Variants in COL19A1 observed in about 807,000 individuals in gnomAD.
The protein encoded by COL19A1 is collagen type XIX alpha 1 chain.
In COL19A1, 159 loss-of-function variants were observed where a neutral mutation model predicts 190.2. That is an observed-to-expected ratio of 0.84 (90% CI 0.73 to 0.95). The LOEUF (loss-of-function observed/expected upper bound fraction) is 0.95, where lower values mean the gene tolerates loss of function less well. Ranked by LOEUF, COL19A1 falls within the 40% of genes least tolerant of loss-of-function variation. COL19A1 has a pLI of 0.00. For missense variants in COL19A1, 1,418 were observed against 1,431.9 expected (o/e 0.99, Z 0.16); for synonymous variants, 509 against 458.9 (o/e 1.11, Z -1.39).
chr6:69,939,054 T>C (rs1773291986), intron 9 of COL19A1, among the ~76,000 whole-genome samples: 1 of 151,762 alleles, frequency 6.6e-6, no homozygotes, highest in African/African-American at 2.4e-5. Flanking sequence ...CCCTCAAAGC[T>C]TCAACAAAGC....
At chr6:70,200,965 G>C (rs2150307757) in intron 49 of COL19A1, among the ~76,000 whole-genome samples, 1 of 152,168 alleles carries the variant, frequency 6.6e-6, no homozygotes, top group South Asian at 2.1e-4. Flanking sequence ...GATTGATGAA[G>C]GAAAGAGAAA....
chr6:69,871,806 ACCATTT>A (rs1767843070), intron 1 of COL19A1, among the ~76,000 whole-genome samples: 1 of 129,088 alleles, frequency 7.7e-6, no homozygotes, highest in African/African-American at 2.9e-5. Context: ...TAGCAAGTCC[ACCATTT>A]TTTTTTTTTT....
intron 2 of COL19A1, among the ~76,000 whole-genome samples, chr6:69,892,398 G>A (rs1041452009): frequency 2.0e-5 from 3 of 152,220 alleles, no homozygotes; most frequent in African/African-American, 2.4e-5. Flanking sequence ...TATATGATAC[G>A]TTTTGAAACA....
At chr6:70,191,092 A>G (rs996794213) in intron 48 of COL19A1, among the ~76,000 whole-genome samples, 5 of 152,226 alleles carry the variant, frequency 3.3e-5, no homozygotes, top group Non-Finnish European at 7.3e-5. Context: ...AATATGGTAC[A>G]TAAAGGCTTA....
chr6:70,034,170 T>C (rs1779220575), intron 12 of COL19A1, 75 bp from the exon 13 acceptor site: 7 of 1,022,608 alleles, frequency 6.8e-6, no homozygotes, highest in Non-Finnish European at 1.1e-5. Context: ...TAAATTATGA[T>C]TTATTTTGTT....
chr6:70,044,648 G>A (rs1779811412), intron 14 of COL19A1, among the ~76,000 whole-genome samples: 1 of 152,162 alleles, frequency 6.6e-6, no homozygotes, highest in African/African-American at 2.4e-5. Flanking sequence ...CAGAGAAATG[G>A]CTAGTCAGTG....
intron 13 of COL19A1, among the ~76,000 whole-genome samples, chr6:70,034,671 C>G (rs6930775): frequency 6.6e-6 from 1 of 152,142 alleles, no homozygotes; most frequent in African/African-American, 2.4e-5. Context: ...AGTTTTGTAT[C>G]TCAGTCTTAA....
At chr6:70,057,294 C>G (rs1780560479) in intron 14 of COL19A1, among the ~76,000 whole-genome samples, 1 of 152,042 alleles carries the variant, frequency 6.6e-6, no homozygotes, top group African/African-American at 2.4e-5. Context: ...TTTGACAGAC[C>G]ATGACCTACC....
At chr6:69,886,087 C>T (rs1768910982) in intron 2 of COL19A1, among the ~76,000 whole-genome samples, 1 of 152,140 alleles carries the variant, frequency 6.6e-6, no homozygotes, top group African/African-American at 2.4e-5. Flanking sequence ...CTACTTATCT[C>T]ATGGTTAATA....
intron 42 of COL19A1, 72 bp downstream of exon 42, chr6:70,176,636 G>T: frequency 1.3e-6 from 2 of 1,483,508 alleles, no homozygotes; most frequent in African/African-American, 1.4e-5. Flanking sequence ...TGTGGCCAGG[G>T]ATCAAGACAG....
intron 19 of COL19A1, among the ~76,000 whole-genome samples, chr6:70,140,287 A>C (rs1374482385): frequency 2.6e-5 from 4 of 151,964 alleles, no homozygotes; most frequent in African/African-American, 9.7e-5. Flanking sequence ...ATTACTTATA[A>C]TATATATTAC....
chr6:70,102,346 G>C (rs551997196), intron 16 of COL19A1, 124 bp downstream of exon 16: 1 of 741,572 alleles, frequency 1.3e-6, no homozygotes, highest in African/African-American at 1.8e-5. Context: ...TAGAATGACT[G>C]GTTTCAGCAT....
At chr6:70,139,708 A>G (rs1356575776) in intron 19 of COL19A1, among the ~76,000 whole-genome samples, 1 of 152,068 alleles carries the variant, frequency 6.6e-6, no homozygotes, top group Non-Finnish European at 1.5e-5. Context: ...GGTAACTAAA[A>G]TGGCAAATTT....
chr6:69,977,086 T>A (rs568178327), intron 11 of COL19A1, among the ~76,000 whole-genome samples: 2 of 152,280 alleles, frequency 1.3e-5, no homozygotes, highest in Non-Finnish European at 2.9e-5. Flanking sequence ...GGATTATAAA[T>A]CATGCTGCTA....
intron 16 of COL19A1, among the ~76,000 whole-genome samples, chr6:70,112,435 G>A (rs1784333952): frequency 6.6e-6 from 1 of 152,088 alleles, no homozygotes; most frequent in South Asian, 2.1e-4. Context: ...ACATACTGGG[G>A]AGAGATGAGT....
intron 2 of COL19A1, among the ~76,000 whole-genome samples, chr6:69,895,962 A>AT (rs1051454253): frequency 8.5e-5 from 13 of 152,054 alleles, no homozygotes; most frequent in African/African-American, 3.1e-4. Flanking sequence ...ATCTACACTT[A>AT]TTTTTTGGTA....
Position 70,142,085 on chromosome 6 carries a change from GA to G in COL19A1, c.1572+12del. 1.2e-6 allele frequency: 2 copies of G among 1,609,564 alleles called. No individual in the cohort carries two copies. Among genetic ancestry groups the G allele is most frequent in the Non-Finnish European group, 1.7e-6 (2 of 1,177,380 alleles). ...GAAGCCCAGGACTAAAGGTATATAA[GA>G]AATAACTAAGATTTCTTGGGAAATA... On this transcript the variant is annotated intron_variant, in intron 22 of 50. Transcript: ENST00000620364.
chr6:70,086,376 A>G (rs1248209232), intron 15 of COL19A1, among the ~76,000 whole-genome samples: 1 of 152,176 alleles, frequency 6.6e-6, no homozygotes, highest in Non-Finnish European at 1.5e-5. Context: ...GAGTACATGA[A>G]ACAGAAAGAT....
intron 15 of COL19A1, among the ~76,000 whole-genome samples, chr6:70,095,793 T>C (rs1783216574): frequency 6.6e-6 from 1 of 152,166 alleles, no homozygotes; most frequent in Non-Finnish European, 1.5e-5. Context: ...GAGTATTTGG[T>C]TTTCTGTGAC....
Sources: gnomAD v4.1 joint callset for allele counts (sites outside exome capture counted in the v4.1 genomes callset) on GRCh38, gnomAD v4.1.1 for gene constraint, MANE v1.5 for transcripts, NCBI Gene and HGNC (gene_info 2026-07-23, HGNC 2026-07-21) for gene names.